ME3: variants seen among roughly 807,000 people sequenced by gnomAD.
ME3 encodes malic enzyme 3, also known as NADP-dependent malic enzyme, mitochondrial.
Under a neutral mutation model 68.9 loss-of-function variants are expected in ME3, and 48 were observed. That is an observed-to-expected ratio of 0.70 (90% CI 0.55 to 0.89). The LOEUF (loss-of-function observed/expected upper bound fraction) is 0.89. Ranked by LOEUF, ME3 falls within the 40% of genes least tolerant of loss-of-function variation. ME3 has a pLI of 0.00. For missense variants in ME3, 675 were observed against 797.4 expected, an observed-to-expected ratio of 0.85 and a Z score of 1.85; for synonymous variants, 320 against 318.8, an observed-to-expected ratio of 1.00 and a Z score of -0.04.
chr11:86,488,661 C>T (rs968812837), intron 6 of ME3, among the ~76,000 whole-genome samples: 1 of 152,192 alleles, frequency 6.6e-6, no homozygotes, highest in African/African-American at 2.4e-5. Flanking sequence ...CCACGTCTTC[C>T]ATTCCTGCCA....
chr11:86,656,452 C>G (rs1945878745), intron 2 of ME3, among the ~76,000 whole-genome samples: 1 of 151,992 alleles, frequency 6.6e-6, no homozygotes, highest in South Asian at 2.1e-4. Flanking sequence ...TTTATAGGGA[C>G]ATAGATCAAA....
chr11:86,648,386 A>C (rs559515516), intron 2 of ME3, among the ~76,000 whole-genome samples: 1 of 152,220 alleles, frequency 6.6e-6, no homozygotes, highest in African/African-American at 2.4e-5. Context: ...AAGATCTCAA[A>C]TCGACACCCT....
At chr11:86,648,066 C>T (rs1210354474) in intron 2 of ME3, among the ~76,000 whole-genome samples, 1 of 152,214 alleles carries the variant, frequency 6.6e-6, no homozygotes, top group African/African-American at 2.4e-5. Context: ...TTCTCTCAGA[C>T]TGCAATGCAA....
chr11:86,522,540 C>G (rs1219052914), intron 4 of ME3, among the ~76,000 whole-genome samples: 1 of 151,828 alleles, frequency 6.6e-6, no homozygotes, highest in Non-Finnish European at 1.5e-5. Context: ...CCTCCTTGAC[C>G]CGCCGACAGG....
intron 2 of ME3, among the ~76,000 whole-genome samples, chr11:86,602,389 A>C (rs1233877262): frequency 6.6e-6 from 1 of 152,150 alleles, no homozygotes; most frequent in African/African-American, 2.4e-5. Flanking sequence ...TATGAATCCA[A>C]CTTACAAGGG....
At chr11:86,479,724 T>C (rs755553979) in intron 7 of ME3, among the ~76,000 whole-genome samples, 1 of 152,218 alleles carries the variant, frequency 6.6e-6, no homozygotes, top group African/African-American at 2.4e-5. Flanking sequence ...ACCAAATAGT[T>C]GGGTACTGAA....
At chr11:86,612,712 T>C (rs1942677611) in intron 2 of ME3, among the ~76,000 whole-genome samples, 1 of 152,214 alleles carries the variant, frequency 6.6e-6, no homozygotes, top group African/African-American at 2.4e-5. Context: ...AAATGTCTTC[T>C]TTTGAGAAGT....
At chr11:86,554,258 G>A (rs1956826020) in intron 4 of ME3, among the ~76,000 whole-genome samples, 1 of 152,164 alleles carries the variant, frequency 6.6e-6, no homozygotes, top group South Asian at 2.1e-4. Flanking sequence ...ACACATCCTG[G>A]CAATAGGGGC....
At chr11:86,451,506 T>C (rs1329124062) in intron 8 of ME3, among the ~76,000 whole-genome samples, 2 of 152,210 alleles carry the variant, frequency 1.3e-5, no homozygotes, top group Non-Finnish European at 2.9e-5. Context: ...ATGGAGGCTA[T>C]GCATGGGCTT....
intron 11 of ME3, among the ~76,000 whole-genome samples, chr11:86,447,797 G>A (rs1949397470): frequency 6.7e-6 from 1 of 149,416 alleles, no homozygotes. Context: ...GGCGGAGGTT[G>A]CAGTGAGCTG....
Position 86,574,516 on chromosome 11 carries a change from G to A in ME3, c.184-14693C>T, listed in dbSNP as rs186817228. The stretch of plus-strand genomic sequence containing the variant: ...TTCTGCAGGTCTACTGCAGTTTGCT[G>A]GAGATCCACTCCAAGCCCTGTTCAC... On this transcript the variant is annotated intron_variant, in intron 2 of 14. Coordinates refer to ENST00000543262, the Ensembl canonical transcript of ME3. Among the ~76,000 whole-genome samples, 8 of 152,030 alleles carry A rather than the reference G, an allele frequency of 5.3e-5. 1 individual carries two copies. The highest frequency in any genetic ancestry group is 6.6e-5 in the Admixed American group (1 of 15,260).
At chr11:86,443,089 A>G (rs1421472153) in intron 13 of ME3, among the ~76,000 whole-genome samples, 170 bp from the exon 14 acceptor site, 2 of 152,192 alleles carry the variant, frequency 1.3e-5, no homozygotes, top group Non-Finnish European at 1.5e-5. Flanking sequence ...GTAAGAGAGG[A>G]CACATCCTTT....
intron 7 of ME3, among the ~76,000 whole-genome samples, chr11:86,480,185 A>G (rs1473656482): frequency 6.6e-6 from 1 of 152,180 alleles, no homozygotes; most frequent in Non-Finnish European, 1.5e-5. Flanking sequence ...ATATGTAGTC[A>G]TTATTCAGAA....
intron 4 of ME3, among the ~76,000 whole-genome samples, chr11:86,556,210 G>T (rs905885077): frequency 6.6e-6 from 1 of 152,200 alleles, no homozygotes; most frequent in Non-Finnish European, 1.5e-5. Flanking sequence ...CAGGAGAGCT[G>T]TTGGTACTTT....
intron 2 of ME3, chr11:86,667,826 G>C (rs1223636257): frequency 6.6e-6 from 1 of 152,156 alleles, no homozygotes; most frequent in Non-Finnish European, 1.5e-5. Flanking sequence ...AATGGGGATG[G>C]CATCTTCCTA....
intron 5 of ME3, among the ~76,000 whole-genome samples, chr11:86,500,940 C>T (rs1952682066): frequency 6.6e-6 from 1 of 151,946 alleles, no homozygotes; most frequent in Non-Finnish European, 1.5e-5. Flanking sequence ...GGACCCACTG[C>T]CTGCCAAGAC....
chr11:86,626,841 C>T (rs1021660974), intron 2 of ME3, among the ~76,000 whole-genome samples: 2 of 152,204 alleles, frequency 1.3e-5, no homozygotes, highest in African/African-American at 4.8e-5. Context: ...GTCACCTAGC[C>T]AACAACTTTG....
chr11:86,633,449 G>T (rs1944139145), intron 2 of ME3, among the ~76,000 whole-genome samples: 1 of 152,196 alleles, frequency 6.6e-6, no homozygotes, highest in Non-Finnish European at 1.5e-5. Context: ...AGGTAATGCT[G>T]GTTCTAGAGC....
chr11:86,573,105 T>G lies in ME3; in HGVS notation c.184-13282A>C, dbSNP rs1031567205. 3.3e-5 allele frequency among the ~76,000 whole-genome samples: 5 copies of G among 152,236 alleles called. No individual in the cohort carries two copies. The East Asian group carries it at 5.8e-4, about 18-fold the overall frequency. On this transcript the variant is annotated intron_variant, in intron 2 of 14. Coordinates refer to ENST00000543262, the Ensembl canonical transcript of ME3. ...TTGAGAAGTGTCTGTTCATATACTTTGCCCACTTTTTGATGGGGTTGGTAG... is the reference window on the plus strand; with the variant it reads ...TTGAGAAGTGTCTGTTCATATACTTGGCCCACTTTTTGATGGGGTTGGTAG...
Sources: gnomAD v4.1 joint callset for allele counts (sites outside exome capture counted in the v4.1 genomes callset) on GRCh38, gnomAD v4.1.1 for gene constraint, MANE v1.5 for transcripts, NCBI Gene and HGNC (gene_info 2026-07-23, HGNC 2026-07-21) for gene names.